Variants in PTPRN2 observed in about 807,000 individuals in gnomAD.
PTPRN2 encodes the protein receptor-type tyrosine-protein phosphatase N2.
In PTPRN2, 74 loss-of-function variants were observed where a neutral mutation model predicts 118.8. The observed-to-expected ratio is 0.62, with a 90% CI of 0.52 to 0.76. PTPRN2 has a LOEUF of 0.76. PTPRN2 is among the 30% of genes least tolerant of loss of function. The pLI is 0.00. For missense variants in PTPRN2, 1,481 were observed against 1,394.4 expected (o/e 1.06, Z -0.99); for synonymous variants, 641 against 608.0 (o/e 1.05, Z -0.80).
chr7:158,250,207 C>T (rs1796568155), intron 3 of PTPRN2, among the ~76,000 whole-genome samples: 2 of 152,178 alleles, frequency 1.3e-5, no homozygotes, highest in African/African-American at 4.8e-5. Context: ...ACAATCGGAT[C>T]TATGGGGTGG....
intron 12 of PTPRN2, among the ~76,000 whole-genome samples, chr7:157,799,209 C>T (rs1159214840): frequency 2.6e-5 from 4 of 152,058 alleles, no homozygotes; most frequent in African/African-American, 9.7e-5. Flanking sequence ...GAGGCTGGAG[C>T]GTGGGTGGGA....
chr7:157,576,655 C>G lies in PTPRN2; in HGVS notation c.2741G>C (p.Arg914Pro), dbSNP rs774586737. 8 of 1,612,572 alleles carry G rather than the reference C, an allele frequency of 5.0e-6. No individual in the cohort carries two copies. In the Admixed American group the frequency reaches 1.0e-4, roughly 20 times the overall value. Reference sequence around the variant, plus strand: ...GGACCTTGAGGAGGAAGGGACTCCTCGGTCATACCAACTCAGGAAGTGGAA... The same window carrying G: ...GGACCTTGAGGAGGAAGGGACTCCTGGGTCATACCAACTCAGGAAGTGGAA... ...TQFHFLSWYD[R>P]GVPSSSRSLL... The change falls in exon 19 of 23, where the codon CGA becomes CCA. Residue 914 changes from arginine to proline, a missense_variant. Physicochemically the swap from Arg to Pro is moderately radical, Grantham distance 103. Transcript: ENST00000389418.
rs1795625340 is a variant in PTPRN2 at position 157,874,811 on chromosome 7, AC to A, written c.1788+23861del. Among the ~76,000 whole-genome samples the A allele has an allele frequency of 9.0e-6, 1 of 111,126 alleles. No homozygotes were observed. The highest frequency in any genetic ancestry group is 2.1e-5 in the Non-Finnish European group (1 of 48,664). 72.9% of individuals were successfully genotyped at this position (111,126 alleles called of 152,430 possible). A position where few individuals can be genotyped will look rare whatever the true frequency, so the allele number is the denominator to read the frequency against. ...CATACACATATACACACAGAGACAC[AC>A]TCATGGACACACACAGAGACACACT... On this transcript the variant is annotated intron_variant, in intron 12 of 22. Coordinates refer to ENST00000389418, the MANE Select transcript of PTPRN2 (RefSeq NM_002847.5). The surrounding 1 kb of genome is among the most constrained non-coding windows in gnomAD (Gnocchi z 5.8).
intron 12 of PTPRN2, among the ~76,000 whole-genome samples, chr7:157,753,976 C>T (rs893287563): frequency 2.4e-4 from 36 of 152,348 alleles, no homozygotes; most frequent in Middle Eastern, 3.4e-3. Flanking sequence ...ACCAGCTGAC[C>T]CCATCCTTGG....
At chr7:158,139,716 T>C (rs1055450640) in intron 6 of PTPRN2, among the ~76,000 whole-genome samples, 1 of 151,900 alleles carries the variant, frequency 6.6e-6, no homozygotes, top group Non-Finnish European at 1.5e-5. Flanking sequence ...GCTCCACACA[T>C]GAGAATGGAA....
chr7:158,429,731 CTTT>C (rs1816016124), intron 2 of PTPRN2, among the ~76,000 whole-genome samples: 1 of 152,172 alleles, frequency 6.6e-6, no homozygotes, highest in African/African-American at 2.4e-5. Flanking sequence ...TAATTCATGG[CTTT>C]TTTATTAAAT....
At chr7:157,568,334 C>T (rs903353906) in intron 21 of PTPRN2, among the ~76,000 whole-genome samples, 3 of 152,192 alleles carry the variant, frequency 2.0e-5, no homozygotes, top group Non-Finnish European at 4.4e-5. Flanking sequence ...CTGAGAGGAA[C>T]GCCTCCCACA....
chr7:158,055,825 T>G (rs1489622157), intron 11 of PTPRN2, among the ~76,000 whole-genome samples: 1 of 152,124 alleles, frequency 6.6e-6, no homozygotes, highest in East Asian at 1.9e-4. Flanking sequence ...GGGCTACTAC[T>G]GGTCTCCGTG....
chr7:157,682,889 T>C lies in PTPRN2; in HGVS notation c.1837A>G (p.Thr613Ala), dbSNP rs1388457826. 6.2e-7 allele frequency: 1 copy of C among 1,613,984 alleles called. No homozygotes were observed. The highest frequency in any genetic ancestry group is 8.5e-7 in the Non-Finnish European group (1 of 1,179,960). ...LPPQAEQEDS[T>A]KFIALTLVSL... Reference sequence around the variant, plus strand: ...ACCAGGGTGAGCGCGATGAACTTGGTGGAGTCTTCTTGCTCCGCCTGAGGA... The same window carrying C: ...ACCAGGGTGAGCGCGATGAACTTGGCGGAGTCTTCTTGCTCCGCCTGAGGA... Residue 613 changes from threonine to alanine, a missense_variant, in exon 13 of 23, where the codon ACC becomes GCC. By Grantham distance (58) the Thr-to-Ala change is moderately conservative. Coordinates refer to ENST00000389418, the MANE Select transcript of PTPRN2 (RefSeq NM_002847.5).
At position 157,845,903 on chromosome 7, in the gene PTPRN2, A is replaced by G. The variant is rs1808773677; in HGVS notation, c.1788+52770T>C. On this transcript the variant is annotated intron_variant, in intron 12 of 22. Coordinates refer to ENST00000389418, the MANE Select transcript of PTPRN2 (RefSeq NM_002847.5). This position sits in a 1 kb window ranked among gnomAD's most constrained non-coding sequence, Gnocchi z 4.5. ...CAGATTAAAGCCTAAATGGGGGGAA[A>G]AAACCTGTAAATGTTTTGAAGAAAA... Among the ~76,000 whole-genome samples the G allele has an allele frequency of 6.6e-6, 1 of 152,232 alleles. No homozygotes were observed. Among genetic ancestry groups the G allele is most frequent in the Admixed American group, 6.5e-5 (1 of 15,288 alleles).
chr7:158,265,882 G>C (rs1797837627), intron 3 of PTPRN2, among the ~76,000 whole-genome samples: 1 of 152,254 alleles, frequency 6.6e-6, no homozygotes, highest in Non-Finnish European at 1.5e-5. Context: ...CACAGAATCA[G>C]AGTCTGCGTG....
At chr7:158,452,701 G>T (rs1034599661) in intron 2 of PTPRN2, among the ~76,000 whole-genome samples, 1 of 152,224 alleles carries the variant, frequency 6.6e-6, no homozygotes, top group African/African-American at 2.4e-5. Context: ...TGAGGAGGGA[G>T]ACACAAAGGA....
At chr7:158,005,433 CT>C (rs1805568861) in intron 11 of PTPRN2, among the ~76,000 whole-genome samples, 1 of 152,090 alleles carries the variant, frequency 6.6e-6, no homozygotes, top group African/African-American at 2.4e-5. Context: ...TTACTATTGG[CT>C]TTCGCTGATT....
chr7:157,564,325 G>T (rs960921703), intron 21 of PTPRN2, among the ~76,000 whole-genome samples: 1 of 152,136 alleles, frequency 6.6e-6, no homozygotes, highest in Non-Finnish European at 1.5e-5. Flanking sequence ...TGCCACGTTG[G>T]CCAGGCTGGT....
intron 10 of PTPRN2, among the ~76,000 whole-genome samples, chr7:158,083,821 C>T (rs1388550940): frequency 1.3e-5 from 2 of 151,194 alleles, no homozygotes; most frequent in Non-Finnish European, 3.0e-5. Context: ...TGGCTCTGGC[C>T]CTTGTGCTCT....
chr7:158,050,278 TTC>T (rs1277420491), intron 11 of PTPRN2, among the ~76,000 whole-genome samples: 1 of 152,252 alleles, frequency 6.6e-6, no homozygotes, highest in African/African-American at 2.4e-5. Flanking sequence ...TATTTTTACC[TTC>T]TGTTAGAATC....
chr7:157,566,368 A>C (rs1332009194), intron 21 of PTPRN2, among the ~76,000 whole-genome samples: 1 of 152,242 alleles, frequency 6.6e-6, no homozygotes, highest in Non-Finnish European at 1.5e-5. Context: ...TTCTCAGGCC[A>C]GACAAAGACG....
intron 2 of PTPRN2, among the ~76,000 whole-genome samples, chr7:158,423,797 C>T (rs1203228712): frequency 1.3e-5 from 2 of 152,298 alleles, no homozygotes; most frequent in African/African-American, 4.8e-5. Context: ...AGGCATGAGC[C>T]ACCACATCCA....
At chr7:157,636,373 G>A (rs993935287) in intron 14 of PTPRN2, among the ~76,000 whole-genome samples, 10 of 152,082 alleles carry the variant, frequency 6.6e-5, no homozygotes, top group Non-Finnish European at 1.0e-4. Flanking sequence ...TCCTTTGTGT[G>A]TTTCTCTTCT....
Sources: allele counts gnomAD v4.1 joint callset (sites outside exome capture counted in the v4.1 genomes callset), GRCh38; gene constraint gnomAD v4.1.1; non-coding constraint Gnocchi (gnomAD v3.1); transcripts MANE v1.5; gene names NCBI Gene and HGNC (gene_info 2026-07-23, HGNC 2026-07-21).